TTC17: variants seen among roughly 807,000 people sequenced by gnomAD.
TTC17 encodes tetratricopeptide repeat protein 17.
A neutral mutation model predicts 143.8 loss-of-function variants in TTC17; 58 were observed. The ratio of observed to expected loss-of-function variants is 0.40; its 90% CI spans 0.33 to 0.50. The LOEUF (loss-of-function observed/expected upper bound fraction) is 0.50. Ranked by LOEUF, TTC17 falls within the 20% of genes least tolerant of loss-of-function variation. TTC17 has a pLI of 0.49. For synonymous variants in TTC17, 501 were observed against 497.8 expected (o/e 1.01, Z -0.09); for missense variants, 1,273 against 1,392.5 (o/e 0.91, Z 1.37).
rs1858189009 is a variant in TTC17, at chr11:43,407,344, A to G, written c.1840-9A>G. ...CTTGTACTAACTGAAGTATTTTTGGATTTTTCAGCCAAATGCTCCTATCTG... is the reference window on the plus strand; with the variant it reads ...CTTGTACTAACTGAAGTATTTTTGGGTTTTTCAGCCAAATGCTCCTATCTG... On this transcript the variant is annotated splice_polypyrimidine_tract_variant and intron_variant, in intron 14 of 23. Transcript: ENST00000039989. 6.2e-7 allele frequency: 1 copy of G among 1,610,814 alleles called. No individual in the cohort carries two copies. Among genetic ancestry groups the G allele is most frequent in the South Asian group, 1.1e-5 (1 of 90,858 alleles).
intron 1 of TTC17, among the ~76,000 whole-genome samples, chr11:43,362,347 T>G (rs1342917360): frequency 6.6e-6 from 1 of 151,828 alleles, no homozygotes; most frequent in African/African-American, 2.4e-5. Context: ...CATCAAGGAG[T>G]CTTTCCCAGG....
chr11:43,444,594 A>G (rs572409805), intron 18 of TTC17: 1 of 158,614 alleles, frequency 6.3e-6, no homozygotes, highest in South Asian at 1.9e-4. Context: ...TTATTTTTGT[A>G]TATATTTACA....
At chr11:43,471,272 A>G (rs1055795394) in intron 21 of TTC17, among the ~76,000 whole-genome samples, 1 of 152,050 alleles carries the variant, frequency 6.6e-6, no homozygotes, top group Non-Finnish European at 1.5e-5. Flanking sequence ...TAATTCCCCT[A>G]CTTTTGTCCC....
At chr11:43,374,934 A>G (rs1202120990) in intron 1 of TTC17, among the ~76,000 whole-genome samples, 1 of 152,202 alleles carries the variant, frequency 6.6e-6, no homozygotes, top group African/African-American at 2.4e-5. Context: ...GAGCCACAGT[A>G]GTAATAAGAT....
At chr11:43,444,759 A>ACACG (rs560523460) in intron 18 of TTC17, among the ~76,000 whole-genome samples, 16 of 151,684 alleles carry the variant, frequency 1.1e-4, no homozygotes, top group Middle Eastern at 3.4e-3. Context: ...ACACACACAC[A>ACACG]GATGGCCGCT....
chr11:43,474,963 G>A (rs2086707), intron 21 of TTC17, among the ~76,000 whole-genome samples: 25,997 of 152,092 alleles, frequency 0.17, 2,922 homozygotes, highest in Non-Finnish European at 0.24. Context: ...GAGTAGGAAC[G>A]GAAGAAGAGG....
intron 9 of TTC17, among the ~76,000 whole-genome samples, chr11:43,401,022 A>C (rs1473921193): frequency 6.6e-6 from 1 of 152,224 alleles, no homozygotes; most frequent in East Asian, 1.9e-4. Flanking sequence ...GAGTGTAAAG[A>C]GTATGCTCAG....
At chr11:43,485,477 T>C (rs1443589854) in intron 21 of TTC17, among the ~76,000 whole-genome samples, 1 of 152,124 alleles carries the variant, frequency 6.6e-6, no homozygotes, top group Admixed American at 6.5e-5. Context: ...ACAAAATAAC[T>C]ATAAAAGAAA....
intron 21 of TTC17, among the ~76,000 whole-genome samples, chr11:43,470,130 A>G (rs954078374): frequency 6.6e-6 from 1 of 152,350 alleles, no homozygotes; most frequent in Non-Finnish European, 1.5e-5. Context: ...ATGAAATATC[A>G]TTGATAATAA....
intron 1 of TTC17, among the ~76,000 whole-genome samples, chr11:43,365,594 T>G (rs1856304837): frequency 6.6e-6 from 1 of 152,176 alleles, no homozygotes; most frequent in South Asian, 2.1e-4. Flanking sequence ...AACTTTGTTG[T>G]TTTTGTTTTT....
intron 1 of TTC17, among the ~76,000 whole-genome samples, chr11:43,375,359 A>G (rs1856724212): frequency 6.6e-6 from 1 of 152,180 alleles, no homozygotes; most frequent in Non-Finnish European, 1.5e-5. Flanking sequence ...GATAGCAAAC[A>G]CTACAAATAC....
chr11:43,407,063 G>A (rs1284549325), intron 13 of TTC17, 75 bp from the exon 14 acceptor site: 2 of 979,780 alleles, frequency 2.0e-6, no homozygotes. Context: ...AGAAAAGACT[G>A]CCATCTATAG....
At position 43,447,286 on chromosome 11, in the gene TTC17, A is replaced by C. The variant is rs529667523; in HGVS notation, c.2666-716A>C. On this transcript the variant is annotated intron_variant, in intron 18 of 23. Coordinates refer to ENST00000039989, the MANE Select transcript of TTC17 (RefSeq NM_018259.6). Reference sequence around the variant, plus strand: ...ATGAGGTTAAGGATGTAAAGCACTTAGCATGGGATCTGAATACACAGGAAG... The same window carrying C: ...ATGAGGTTAAGGATGTAAAGCACTTCGCATGGGATCTGAATACACAGGAAG... Among the ~76,000 whole-genome samples, 7 of 152,354 alleles carry C rather than the reference A, an allele frequency of 4.6e-5. No homozygotes were observed. The South Asian group carries it at 1.5e-3, about 32-fold the overall frequency.
chr11:43,471,184 C>T (rs554552193), intron 21 of TTC17, among the ~76,000 whole-genome samples: 68 of 152,322 alleles, frequency 4.5e-4, no homozygotes, highest in African/African-American at 1.5e-3. Flanking sequence ...TTGCATCAAG[C>T]TGCTGCCATT....
At chr11:43,459,170 G>A (rs1172788443) in intron 21 of TTC17, among the ~76,000 whole-genome samples, 2 of 152,080 alleles carry the variant, frequency 1.3e-5, no homozygotes, top group Non-Finnish European at 2.9e-5. Context: ...CATTGTTATG[G>A]CAAGGATACG....
rs758676469 is a variant in TTC17, at chr11:43,405,996, G to A, written c.1761+45G>A. On this transcript the variant is annotated intron_variant, in intron 13 of 23. Coordinates refer to ENST00000039989, the MANE Select transcript of TTC17 (RefSeq NM_018259.6). ...GTATTTATTGCCGTCCATTCTGGGT[G>A]ACTTCAGAAGCCTCTTAAATGGAAC... The A allele has an allele frequency of 2.5e-6, 4 of 1,579,812 alleles. No homozygotes were observed. In the East Asian group the frequency reaches 9.0e-5, roughly 35 times the overall value.
intron 1 of TTC17, among the ~76,000 whole-genome samples, chr11:43,371,739 A>G (rs2134454544): frequency 6.6e-6 from 1 of 152,298 alleles, no homozygotes; most frequent in Admixed American, 6.5e-5. Flanking sequence ...TCCTGAAACT[A>G]CCTAGGAGCT....
In TTC17 at chr11:43,490,250, C is replaced by T. The variant is rs765775808; in HGVS notation, c.3042C>T (p.Ser1014=). The change falls in exon 22 of 24, where the codon TCC becomes TCT. Residue 1014 remains serine (S), a synonymous_variant. Coordinates refer to ENST00000039989, the MANE Select transcript of TTC17 (RefSeq NM_018259.6). ...ACATTCCTTTGCAGAACCAGACGTC[C>T]TGGGTCCTCTCCAGCATGGCAGCCC... ...IAKVLEKNQT[S]WVLSSMAALY... 2 of 1,611,220 alleles carry T rather than the reference C, an allele frequency of 1.2e-6. No individual in the cohort carries two copies. Among genetic ancestry groups the T allele is most frequent in the South Asian group, 1.1e-5 (1 of 90,540 alleles).
chr11:43,381,469 G>A (rs1042235764), intron 2 of TTC17, among the ~76,000 whole-genome samples: 5 of 152,146 alleles, frequency 3.3e-5, no homozygotes, highest in South Asian at 2.1e-4. Flanking sequence ...GGAACAGAAC[G>A]AGGCTTACTG....
Sources: gnomAD v4.1 joint callset for allele counts (sites outside exome capture counted in the v4.1 genomes callset) on GRCh38, gnomAD v4.1.1 for gene constraint, MANE v1.5 for transcripts, NCBI Gene and HGNC (gene_info 2026-07-23, HGNC 2026-07-21) for gene names.